The following NACC2 variants were observed in gnomAD, a reference collection of about 807,000 sequenced individuals.
The protein encoded by NACC2 is NACC family member 2.
A neutral mutation model predicts 25.1 loss-of-function variants in NACC2; 8 were observed. The observed-to-expected ratio is 0.32, with a 90% CI of 0.19 to 0.57. The LOEUF (loss-of-function observed/expected upper bound fraction) is 0.57, where lower values mean the gene tolerates loss of function less well. NACC2 is among the 20% of genes least tolerant of loss of function. NACC2 has a pLI of 0.89. For synonymous variants in NACC2, 435 were observed against 294.7 expected, an observed-to-expected ratio of 1.48 and a Z score of -4.88; for missense variants, 644 against 650.2, an observed-to-expected ratio of 0.99 and a Z score of 0.10.
intron 1 of NACC2, among the ~76,000 whole-genome samples, chr9:136,061,355 C>T (rs967374303): frequency 6.6e-6 from 1 of 152,170 alleles, no homozygotes; most frequent in Admixed American, 6.5e-5. Context: ...ACTCACCACA[C>T]AGAGGCACAG....
intron 1 of NACC2, among the ~76,000 whole-genome samples, chr9:136,087,706 C>A (rs942267923): frequency 2.6e-5 from 4 of 152,214 alleles, no homozygotes; most frequent in Admixed American, 6.5e-5. Flanking sequence ...CAGCTTCCAC[C>A]GCAGCACGGG....
chr9:136,028,017 T>C (rs1392732513), intron 2 of NACC2, among the ~76,000 whole-genome samples: 1 of 152,156 alleles, frequency 6.6e-6, no homozygotes, highest in Non-Finnish European at 1.5e-5. Flanking sequence ...CCCAGCACTT[T>C]GGGAGGCCAA....
chr9:136,066,738 C>CT (rs1841087119), intron 1 of NACC2, among the ~76,000 whole-genome samples: 1 of 152,224 alleles, frequency 6.6e-6, no homozygotes, highest in South Asian at 2.1e-4. Context: ...ACACAAATGT[C>CT]TATCACGGGC....
At position 136,011,586 on chromosome 9, in the gene NACC2, C is replaced by A; in HGVS notation, c.1694G>T (p.Gly565Val). Reference sequence around the variant, plus strand: ...CGCCGGCGTCTGGGGCCTGCTGGGGCCGCCCCCGCCCTGCTCAAAGGGCTG... The same window carrying A: ...CGCCGGCGTCTGGGGCCTGCTGGGGACGCCCCCGCCCTGCTCAAAGGGCTG... ...PPQPFEQGGG[G>V]PSRPQTPAAA... The change falls in exon 6 of 6, where the codon GGC becomes GTC. Residue 565 changes from glycine to valine, a missense_variant. Gly to Val is a moderately radical substitution (Grantham distance 109). Coordinates refer to ENST00000277554, the MANE Select transcript of NACC2 (RefSeq NM_144653.5). 2 of 1,395,340 alleles carry A rather than the reference C, an allele frequency of 1.4e-6. No individual in the cohort carries two copies. Among genetic ancestry groups the A allele is most frequent in the Non-Finnish European group, 9.3e-7 (1 of 1,079,580 alleles). The allele number at this position is 1,395,340 out of a possible 1,614,324, so 86.4% of individuals were successfully genotyped here. A position where few individuals can be genotyped will look rare whatever the true frequency, so the allele number is the denominator to read the frequency against.
chr9:136,053,144 C>T (rs1332397398), intron 1 of NACC2, among the ~76,000 whole-genome samples: 1 of 152,232 alleles, frequency 6.6e-6, no homozygotes, highest in African/African-American at 2.4e-5. Context: ...CCCGAACAGG[C>T]CTGGTGGGAG....
intron 1 of NACC2, among the ~76,000 whole-genome samples, chr9:136,051,903 G>GAGT (rs1366921777): frequency 2.5e-5 from 3 of 121,600 alleles, no homozygotes; most frequent in Non-Finnish European, 5.2e-5. Flanking sequence ...GGAGGAGGAG[G>GAGT]AGGAGGAGAT....
chr9:136,049,154 G>A (rs555429032), intron 2 of NACC2, among the ~76,000 whole-genome samples: 1 of 152,366 alleles, frequency 6.6e-6, no homozygotes, highest in African/African-American at 2.4e-5. Context: ...GGGAGCGACT[G>A]CTCACTCGGC....
intron 1 of NACC2, among the ~76,000 whole-genome samples, chr9:136,087,806 A>G (rs1411155918): frequency 6.6e-6 from 1 of 152,168 alleles, no homozygotes; most frequent in Non-Finnish European, 1.5e-5. Context: ...CGGCACCGGC[A>G]AGATCCCCAA....
At chr9:136,083,510 T>C (rs1052485146) in intron 1 of NACC2, among the ~76,000 whole-genome samples, 1 of 152,222 alleles carries the variant, frequency 6.6e-6, no homozygotes, top group Admixed American at 6.5e-5. Context: ...AGATGTAAGA[T>C]CAAGTTCACA....
intron 2 of NACC2, among the ~76,000 whole-genome samples, chr9:136,033,947 T>C (rs1308265619): frequency 5.3e-5 from 8 of 150,682 alleles, no homozygotes; most frequent in African/African-American, 1.9e-4. Flanking sequence ...GTGTGAGATA[T>C]TTGGCAATCT....
intron 5 of NACC2, 44 bp from the exon 6 acceptor site, chr9:136,012,068 G>A: frequency 6.8e-7 from 1 of 1,471,668 alleles, no homozygotes; most frequent in South Asian, 1.4e-5. Context: ...TGCCTGCCGG[G>A]AGGCCCGCCC....
intron 1 of NACC2, among the ~76,000 whole-genome samples, chr9:136,051,792 G>A (rs901539400): frequency 1.2e-4 from 18 of 152,184 alleles, no homozygotes; most frequent in Middle Eastern, 3.4e-3. Flanking sequence ...CAGGCTCCCC[G>A]CACGCAGCCC....
chr9:136,032,804 G>A (rs1321939958), intron 2 of NACC2, among the ~76,000 whole-genome samples: 1 of 151,982 alleles, frequency 6.6e-6, no homozygotes, highest in Non-Finnish European at 1.5e-5. Flanking sequence ...GGCTGAGGTG[G>A]GTGGATCACG....
At chr9:136,092,807 G>A (rs1388178060) in intron 1 of NACC2, among the ~76,000 whole-genome samples, 2 of 152,202 alleles carry the variant, frequency 1.3e-5, no homozygotes, top group Non-Finnish European at 2.9e-5. Flanking sequence ...GGGGTAAGGG[G>A]TGCCACCTGC....
Sources: gnomAD v4.1 joint callset for allele counts (sites outside exome capture counted in the v4.1 genomes callset) on GRCh38, gnomAD v4.1.1 for gene constraint, MANE v1.5 for transcripts, NCBI Gene and HGNC (gene_info 2026-07-23, HGNC 2026-07-21) for gene names.